Variants in ANKFN1 observed in about 807,000 individuals in gnomAD.
ANKFN1 encodes the protein ankyrin repeat and fibronectin type III domain containing 1.
ANKFN1 carries 74 observed loss-of-function variants against 108.7 expected under a neutral mutation model. The ratio of observed to expected loss-of-function variants is 0.68; its 90% confidence interval spans 0.56 to 0.83. The LOEUF (loss-of-function observed/expected upper bound fraction) is 0.83, where lower values mean the gene tolerates loss of function less well. Ranked by LOEUF, ANKFN1 falls within the 40% of genes least tolerant of loss-of-function variation. ANKFN1 has a pLI of 0.00. For synonymous variants in ANKFN1, 547 were observed against 516.2 expected, an observed-to-expected ratio of 1.06 and a Z score of -0.81; for missense variants, 1,505 against 1,382.3, an observed-to-expected ratio of 1.09 and a Z score of -1.41.
At chr17:56,109,264 G>A (rs553496014) in intron 4 of ANKFN1, among the ~76,000 whole-genome samples, 1 of 152,296 alleles carries the variant, frequency 6.6e-6, no homozygotes, top group East Asian at 1.9e-4. Context: ...CTGCAGGTTA[G>A]CAGAAGGGAT....
At chr17:56,061,069 T>C (rs1904965444) in intron 4 of ANKFN1, among the ~76,000 whole-genome samples, 1 of 152,080 alleles carries the variant, frequency 6.6e-6, no homozygotes, top group African/African-American at 2.4e-5. Context: ...GTCCTGGGCT[T>C]TTTTTGGTTG....
In ANKFN1 at chr17:56,265,554, T is replaced by C. The variant is rs370389248; in HGVS notation, c.53+37597T>C. On this transcript the variant is annotated intron_variant, in intron 3 of 20. Transcript: ENST00000682825. ...TTAATAAAGTCAAAATTTTAGGCTG[T>C]GGTTAGAGATTTCGGGAGCCTGAAA... is the stretch of plus-strand genomic sequence containing the variant. Among the ~76,000 whole-genome samples, 16 of 152,256 alleles carry C rather than the reference T, an allele frequency of 1.1e-4. No individual in the cohort carries two copies. The East Asian group carries it at 3.1e-3, about 29-fold the overall frequency.
intron 3 of ANKFN1, among the ~76,000 whole-genome samples, chr17:56,321,064 A>G (rs75950885): frequency 1.5e-5 from 1 of 68,512 alleles, no homozygotes; most frequent in East Asian, 7.1e-4. Flanking sequence ...TTTCTTTAGG[A>G]AAAAAAAAAA....
intron 4 of ANKFN1, among the ~76,000 whole-genome samples, chr17:56,123,480 G>A (rs1387716599): frequency 2.0e-5 from 3 of 152,154 alleles, no homozygotes; most frequent in Non-Finnish European, 2.9e-5. Context: ...ACCTGTGTTC[G>A]GCAGGTTTAG....
intron 4 of ANKFN1, among the ~76,000 whole-genome samples, chr17:56,143,961 A>G (rs879327885): frequency 5.9e-5 from 9 of 152,124 alleles, no homozygotes; most frequent in Non-Finnish European, 1.2e-4. Context: ...GGTTAAGTGG[A>G]GGCTTTTTCA....
chr17:56,251,387 T>C (rs935076381), intron 3 of ANKFN1, among the ~76,000 whole-genome samples: 1 of 152,230 alleles, frequency 6.6e-6, no homozygotes, highest in African/African-American at 2.4e-5. Flanking sequence ...AGTGAGACTC[T>C]GACAACACAA....
At chr17:56,141,651 G>A (rs185254618) in intron 4 of ANKFN1, among the ~76,000 whole-genome samples, 27 of 152,130 alleles carry the variant, frequency 1.8e-4, no homozygotes, top group Non-Finnish European at 3.2e-4. Context: ...AGGATCATTC[G>A]CAAAAACTCA....
Position 56,102,935 on chromosome 17 carries a change from G to A in ANKFN1, c.288+56610G>A, listed in dbSNP as rs117326924. 3.9e-5 allele frequency among the ~76,000 whole-genome samples: 6 copies of A among 152,318 alleles called. No homozygotes were observed. In the East Asian group the frequency reaches 1.2e-3, roughly 29 times the overall value. ...AGTTCTAATGAGAGAATTGTGTCTG[G>A]TGGGGGAATCAAAGCTCTGAGAAAC... On this transcript the variant is annotated intron_variant, in intron 4 of 12. Transcript: ENST00000635860.
chr17:56,325,043 T>C (rs909963620), intron 3 of ANKFN1, among the ~76,000 whole-genome samples: 1 of 152,204 alleles, frequency 6.6e-6, no homozygotes, highest in African/African-American at 2.4e-5. Flanking sequence ...CTCTCCACCC[T>C]CTTGTTTATG....
In ANKFN1 at chr17:56,196,044, A is replaced by T. The variant is rs546574551; in HGVS notation, c.-70-16554A>T. On this transcript the variant is annotated intron_variant, in intron 1 of 20. Coordinates refer to ENST00000682825, the MANE Select transcript of ANKFN1 (RefSeq NM_001370326.1). Reference sequence around the variant, plus strand: ...CACCTTGGAAGGCTGAGGCAGGAGGATCGCTTGAGACCAGGAGTTTGAGAC... The same window carrying T: ...CACCTTGGAAGGCTGAGGCAGGAGGTTCGCTTGAGACCAGGAGTTTGAGAC... Among the ~76,000 whole-genome samples, 9 of 152,312 alleles carry T rather than the reference A, an allele frequency of 5.9e-5. No homozygotes were observed. In the East Asian group the frequency reaches 1.5e-3, roughly 26 times the overall value.
At chr17:56,270,891 C>T (rs2043775696) in intron 3 of ANKFN1, among the ~76,000 whole-genome samples, 1 of 152,210 alleles carries the variant, frequency 6.6e-6, no homozygotes, top group African/African-American at 2.4e-5. Context: ...TCCCTTATCA[C>T]TCCAGCTATA....
intron 4 of ANKFN1, among the ~76,000 whole-genome samples, chr17:56,350,214 T>A (rs1328008557): frequency 6.6e-6 from 1 of 152,096 alleles, no homozygotes; most frequent in African/African-American, 2.4e-5. Flanking sequence ...ACTGGGATAG[T>A]TCACCAAGCC....
intron 4 of ANKFN1, among the ~76,000 whole-genome samples, chr17:56,340,060 G>T (rs1367622073): frequency 3.3e-5 from 5 of 152,110 alleles, no homozygotes; most frequent in African/African-American, 1.2e-4. Flanking sequence ...GATTAGTAAT[G>T]ATGAGCTTTT....
At chr17:56,130,887 T>C (rs7224057) in intron 4 of ANKFN1, among the ~76,000 whole-genome samples, 28,950 of 152,000 alleles carry the variant, frequency 0.19, 3,300 homozygotes, top group African/African-American at 0.3. Context: ...TTGGACTGAA[T>C]TGGGTGAGGC....
At chr17:56,503,258 T>C (rs1288486053) in intron 20 of ANKFN1, among the ~76,000 whole-genome samples, 2 of 151,904 alleles carry the variant, frequency 1.3e-5, no homozygotes, top group Non-Finnish European at 1.5e-5. Context: ...AATGTAAATC[T>C]TGGTAACCTT....
intron 19 of ANKFN1, among the ~76,000 whole-genome samples, chr17:56,495,705 G>A (rs2051179712): frequency 6.6e-6 from 1 of 152,110 alleles, no homozygotes; most frequent in South Asian, 2.1e-4. Flanking sequence ...AGCTGCTAAA[G>A]CCTAAAGGGC....
At chr17:56,145,633 C>T (rs542769536) in intron 4 of ANKFN1, among the ~76,000 whole-genome samples, 2 of 152,258 alleles carry the variant, frequency 1.3e-5, no homozygotes, top group African/African-American at 4.8e-5. Context: ...ACCCTTGACA[C>T]GTGGGGATTA....
intron 4 of ANKFN1, among the ~76,000 whole-genome samples, chr17:56,121,866 C>G (rs569013318): frequency 6.6e-6 from 1 of 152,306 alleles, no homozygotes; most frequent in Admixed American, 6.5e-5. Flanking sequence ...CCTTGCTGTA[C>G]TAGACGTGAA....
chr17:56,203,218 G>T (rs1914208404), intron 1 of ANKFN1, among the ~76,000 whole-genome samples: 1 of 151,774 alleles, frequency 6.6e-6, no homozygotes, highest in African/African-American at 2.4e-5. Context: ...CATTCTGAAG[G>T]TCTCCCTAAA....
Sources: gnomAD v4.1 joint callset for allele counts (sites outside exome capture counted in the v4.1 genomes callset) on GRCh38, gnomAD v4.1.1 for gene constraint, MANE v1.5 for transcripts, NCBI Gene and HGNC (gene_info 2026-07-23, HGNC 2026-07-21) for gene names.